GLS: variants seen among roughly 807,000 people sequenced by gnomAD.
GLS encodes glutaminase.
A neutral mutation model predicts 86.7 loss-of-function variants in GLS; 36 were observed. The ratio of observed to expected loss-of-function variants is 0.42; its 90% CI spans 0.32 to 0.55. The LOEUF is 0.55. Ranked by LOEUF, GLS falls within the 20% of genes least tolerant of loss-of-function variation. The probability of loss-of-function intolerance (pLI) is 0.17; values close to 1 mark genes in which losing one functional copy is unlikely to be tolerated. For synonymous variants in GLS, 317 were observed against 305.9 expected (o/e 1.04, Z -0.38); for missense variants, 528 against 833.4 (o/e 0.63, Z 4.51).
rs1272276934 is a variant in GLS at position 190,933,549 on chromosome 2, TAAAACATTCCAGCCA to T, written c.1650+1915_1650+1929del. On this transcript the variant is annotated intron_variant, in intron 14 of 17. Transcript: ENST00000320717. ...TATATACAGGAGTGTCTTATGTTAC[TAAAACATTCCAGCCA>T]AAGAATTTCAGATGTGAGATAATGA... The T allele has an allele frequency of 3.1e-6, 3 of 962,908 alleles. No individual in the cohort carries two copies. The African/African-American group carries it at 5.3e-5, about 17-fold the overall frequency. The allele number at this position is 962,908 out of a possible 1,614,324, so 59.6% of individuals were successfully genotyped here. A position where few individuals can be genotyped will look rare whatever the true frequency, so the allele number is the denominator to read the frequency against.
intron 9 of GLS, among the ~76,000 whole-genome samples, chr2:190,922,800 C>T (rs958820645): frequency 6.6e-6 from 1 of 152,176 alleles, no homozygotes; most frequent in Non-Finnish European, 1.5e-5. Flanking sequence ...ACATTAACCA[C>T]AGTTCCTCTA....
In GLS at chr2:190,949,685, T is replaced by C. The variant is rs1192046278; in HGVS notation, c.1651-3880T>C. The stretch of plus-strand genomic sequence containing the variant: ...CCAGCCTGGGTGACAGAGCGAGACC[T>C]TGTCTCAAAAAAAATAAAATGCAGG... On this transcript the variant is annotated intron_variant, in intron 14 of 17. Transcript: ENST00000320717. The surrounding 1 kb of genome is among the most constrained non-coding windows in gnomAD (Gnocchi z 4.0). Among the ~76,000 whole-genome samples the C allele has an allele frequency of 6.6e-6, 1 of 152,012 alleles. No homozygotes were observed. The highest frequency in any genetic ancestry group is 1.5e-5 in the Non-Finnish European group (1 of 67,980).
In GLS at chr2:190,881,296, G is replaced by C. The variant is rs1250353728; in HGVS notation, c.212G>C (p.Gly71Ala). Residue 71 changes from glycine (G) to alanine (A), a missense_variant, in exon 1 of 18, where the codon GGC becomes GCC. Transcript: ENST00000320717. ...TGGCCGGCGGAGCCCCTCGCGCGGG[G>C]CCTGTCCAGCTCTCCTTCGGAGATC... ...GGWPAEPLAR[G>A]LSSSPSEILQ... 6.9e-7 allele frequency: 1 copy of C among 1,448,352 alleles called. No individual in the cohort carries two copies. The highest frequency in any genetic ancestry group is 1.5e-5 in the African/African-American group (1 of 67,730). The allele number at this position is 1,448,352 out of a possible 1,614,324, so 89.7% of individuals were successfully genotyped here.
At position 190,930,679 on chromosome 2, in the gene GLS, G is replaced by C. The variant is rs1690080330; in HGVS notation, c.1557+111G>C. The C allele has an allele frequency of 1.1e-6, 1 of 951,244 alleles. No homozygotes were observed. 58.9% of individuals were successfully genotyped at this position (951,244 alleles called of 1,614,324 possible). ...ATTAACTCTTGGCCCTCCGCCTATAGTGTGCCAGTTACTAGGGAGCCGTGG... is the reference window on the plus strand; with the variant it reads ...ATTAACTCTTGGCCCTCCGCCTATACTGTGCCAGTTACTAGGGAGCCGTGG... On this transcript the variant is annotated intron_variant, in intron 13 of 17. Coordinates refer to ENST00000320717, the MANE Select transcript of GLS (RefSeq NM_014905.5). This position sits in a 1 kb window ranked among gnomAD's most constrained non-coding sequence, Gnocchi z 5.0.
In GLS at chr2:190,881,064, G is replaced by A; in HGVS notation, c.-21G>A. ...CCGGAGCATCCTCCCCTGTTGAGCG[G>A]GCGCTGACGGACCCGGCGGCATGAT... On this transcript the variant is annotated 5_prime_UTR_variant, in exon 1 of 18. Coordinates refer to ENST00000320717, the MANE Select transcript of GLS (RefSeq NM_014905.5). The A allele has an allele frequency of 6.5e-7, 1 of 1,542,954 alleles. No individual in the cohort carries two copies. The highest frequency in any genetic ancestry group is 8.7e-7 in the Non-Finnish European group (1 of 1,150,808).
rs1303146687 is a variant in GLS at position 190,949,412 on chromosome 2, G to A, written c.1651-4153G>A. Reference sequence around the variant, plus strand: ...AAAGATGTAAAAGTTAAGGTAGATGGGCTGGGCACAGGGGCTCACACCTGT... The same window carrying A: ...AAAGATGTAAAAGTTAAGGTAGATGAGCTGGGCACAGGGGCTCACACCTGT... On this transcript the variant is annotated intron_variant, in intron 14 of 17. Transcript: ENST00000320717. The surrounding 1 kb of genome is among the most constrained non-coding windows in gnomAD (Gnocchi z 4.0). 6.6e-6 allele frequency among the ~76,000 whole-genome samples: 1 copy of A among 152,078 alleles called. No homozygotes were observed. Among genetic ancestry groups the A allele is most frequent in the Non-Finnish European group, 1.5e-5 (1 of 67,998 alleles).
chr2:190,923,132 G>A (rs1341836536), intron 9 of GLS, among the ~76,000 whole-genome samples: 1 of 152,124 alleles, frequency 6.6e-6, no homozygotes, highest in Non-Finnish European at 1.5e-5. Flanking sequence ...TCTCTTAATA[G>A]ATCAGTCATC....
intron 14 of GLS, among the ~76,000 whole-genome samples, chr2:190,948,128 G>T (rs1690625921): frequency 6.6e-6 from 1 of 152,174 alleles, no homozygotes; most frequent in African/African-American, 2.4e-5. Context: ...CTGCCTCCTA[G>T]TGCTTTTCTG....
At chr2:190,884,277 A>G (rs575101290) in intron 1 of GLS, among the ~76,000 whole-genome samples, 1 of 152,280 alleles carries the variant, frequency 6.6e-6, no homozygotes, top group East Asian at 1.9e-4. Flanking sequence ...TGTAGGTAAT[A>G]CTTCACCTCT....
At chr2:190,915,023 CT>C (rs902605069) in intron 7 of GLS, among the ~76,000 whole-genome samples, 61 of 146,600 alleles carry the variant, frequency 4.2e-4, no homozygotes, top group Middle Eastern at 3.5e-3. Context: ...TTATAATTTA[CT>C]TTTTTTTTTT....
chr2:190,954,661 GTAA>G lies in GLS; in HGVS notation c.1789+4_1789+6del, dbSNP rs775348541. The G allele has an allele frequency of 1.2e-6, 2 of 1,608,838 alleles. No homozygotes were observed. The highest frequency in any genetic ancestry group is 1.7e-6 in the Non-Finnish European group (2 of 1,175,190). On this transcript the variant is annotated splice_donor_variant and splice_donor_region_variant and intron_variant, in intron 16 of 17. Transcript: ENST00000320717. LOFTEE classifies it high-confidence loss of function. This position sits in a 1 kb window ranked among gnomAD's most constrained non-coding sequence, Gnocchi z 4.0. ...GCACTCCATGTAGCTGCTGCAGAGGGTAATACAGGAACTACTCCTATCTATTTT... is the reference window on the plus strand; with the variant it reads ...GCACTCCATGTAGCTGCTGCAGAGGGTACAGGAACTACTCCTATCTATTTT...
rs993921016 is a variant in GLS at position 190,947,144 on chromosome 2, G to A, written c.1651-6421G>A. Among the ~76,000 whole-genome samples, 1 of 151,878 alleles carries A rather than the reference G, an allele frequency of 6.6e-6. No homozygotes were observed. Among genetic ancestry groups the A allele is most frequent in the African/African-American group, 2.4e-5 (1 of 41,322 alleles). On this transcript the variant is annotated intron_variant, in intron 14 of 17. Transcript: ENST00000320717. This position sits in a 1 kb window ranked among gnomAD's most constrained non-coding sequence, Gnocchi z 5.0. Reference sequence around the variant, plus strand: ...TTACTCATAAGTACAGAATTATTAGGGCATTTACAGAAGTCACACAACTCA... The same window carrying A: ...TTACTCATAAGTACAGAATTATTAGAGCATTTACAGAAGTCACACAACTCA...
rs944804124 is a variant in GLS, at chr2:190,943,631, T to A, written c.1651-9934T>A. Among the ~76,000 whole-genome samples the A allele has an allele frequency of 1.3e-5, 2 of 152,218 alleles. No homozygotes were observed. Among genetic ancestry groups the A allele is most frequent in the Non-Finnish European group, 2.9e-5 (2 of 68,026 alleles). On this transcript the variant is annotated intron_variant, in intron 14 of 17. Transcript: ENST00000320717. This position sits in a 1 kb window ranked among gnomAD's most constrained non-coding sequence, Gnocchi z 4.5. ...TAGATAGAACAATTGCTTTATTTTT[T>A]AGTGTCTTAAAATATGCTTTTCTCC...
chr2:190,938,056 A>T lies in GLS; in HGVS notation c.1650+6419A>T, dbSNP rs1278992484. ...CTAAATCTCATTTACTAATTATGGA[A>T]TTTTTTTAAAGAAAAATTATATACC... is the stretch of plus-strand genomic sequence containing the variant. On this transcript the variant is annotated intron_variant, in intron 14 of 17. Transcript: ENST00000320717. The surrounding 1 kb of genome is among the most constrained non-coding windows in gnomAD (Gnocchi z 4.1). Among the ~76,000 whole-genome samples the T allele has an allele frequency of 3.3e-5, 5 of 151,254 alleles. No individual in the cohort carries two copies. Among genetic ancestry groups the T allele is most frequent in the Non-Finnish European group, 7.4e-5 (5 of 67,388 alleles).
In GLS at chr2:190,881,694, C is replaced by T. The variant is rs1451843826; in HGVS notation, c.386+224C>T. 3.8e-5 allele frequency: 18 copies of T among 470,530 alleles called. 1 individual carries two copies. The highest frequency in any genetic ancestry group is 3.7e-4 in the South Asian group (13 of 35,020). 29.1% of individuals were successfully genotyped at this position (470,530 alleles called of 1,614,324 possible). On this transcript the variant is annotated intron_variant, in intron 1 of 17. Transcript: ENST00000320717. ...CAGGCACCCACTTCCCTTCTCCGCC[C>T]CCGGCGGGGGTCGCCCTGGTGGGGC...
At chr2:190,945,039 G>A (rs1236628354) in intron 14 of GLS, among the ~76,000 whole-genome samples, 9 of 137,156 alleles carry the variant, frequency 6.6e-5, no homozygotes. Context: ...GGAAGTCCCA[G>A]GTTTTGTTAG....
intron 6 of GLS, among the ~76,000 whole-genome samples, chr2:190,909,694 T>A (rs1404878191): frequency 6.6e-6 from 1 of 152,224 alleles, no homozygotes; most frequent in Non-Finnish European, 1.5e-5. Context: ...ACTTTAAAAT[T>A]ATATAAGAAA....
At position 190,904,390 on chromosome 2, in the gene GLS, C is replaced by T. The variant is rs111963875; in HGVS notation, c.816-614C>T. ...AGGAGCATGCTCTTACTCTCTTGCC[C>T]TCAGAGGAAAATTTCCACATTACAT... is the stretch of plus-strand genomic sequence containing the variant. On this transcript the variant is annotated intron_variant, in intron 5 of 17. Coordinates refer to ENST00000320717, the MANE Select transcript of GLS (RefSeq NM_014905.5). Among the ~76,000 whole-genome samples, 37 of 152,202 alleles carry T rather than the reference C, an allele frequency of 2.4e-4. 1 individual carries two copies. The highest frequency in any genetic ancestry group is 8.7e-4 in the African/African-American group (36 of 41,534).
chr2:190,894,603 A>G (rs1025194164), intron 1 of GLS, among the ~76,000 whole-genome samples: 24 of 152,212 alleles, frequency 1.6e-4, no homozygotes, highest in Admixed American at 1.4e-3. Context: ...CAGAAAGGTT[A>G]ATTAATTTAC....
Sources: allele counts gnomAD v4.1 joint callset (sites outside exome capture counted in the v4.1 genomes callset), GRCh38; gene constraint gnomAD v4.1.1; non-coding constraint Gnocchi (gnomAD v3.1); transcripts MANE v1.5; gene names NCBI Gene and HGNC (gene_info 2026-07-23, HGNC 2026-07-21).